Variants in ESRRG observed in about 807,000 individuals in gnomAD.
ESRRG encodes the protein estrogen-related receptor gamma.
A neutral mutation model predicts 44.0 loss-of-function variants in ESRRG; 13 were observed. The ratio of observed to expected loss-of-function variants is 0.30; its 90% CI spans 0.19 to 0.47. The LOEUF is 0.47. Among genes scored for constraint, ESRRG ranks in the 20% least tolerant of loss-of-function variants. The pLI is 1.00. For synonymous variants in ESRRG, 215 were observed against 214.6 expected (o/e 1.00, Z -0.02); for missense variants, 395 against 580.6 (o/e 0.68, Z 3.29).
At chr1:217,078,800 G>A (rs535227908) in intron 1 of ESRRG, among the ~76,000 whole-genome samples, 1 of 152,266 alleles carries the variant, frequency 6.6e-6, no homozygotes, top group South Asian at 2.1e-4. Context: ...GAAATAAACT[G>A]AGGACAAAAT....
chr1:216,521,594 C>A (rs191994672), intron 5 of ESRRG, among the ~76,000 whole-genome samples: 2 of 152,272 alleles, frequency 1.3e-5, no homozygotes, highest in South Asian at 2.1e-4. Context: ...GCCCGCAGCA[C>A]CTTCCTGTGA....
intron 1 of ESRRG, among the ~76,000 whole-genome samples, chr1:216,697,503 G>C (rs555553932): frequency 2.6e-5 from 4 of 152,328 alleles, no homozygotes; most frequent in African/African-American, 7.2e-5. Flanking sequence ...GAGATTAAGA[G>C]GTTATGCTAG....
At chr1:216,560,711 A>T (rs1396697323) in intron 5 of ESRRG, among the ~76,000 whole-genome samples, 1 of 152,208 alleles carries the variant, frequency 6.6e-6, no homozygotes, top group African/African-American at 2.4e-5. Flanking sequence ...AAAAAAGGCC[A>T]ACAATGGAGA....
At chr1:217,096,473 C>T (rs910816835) in intron 1 of ESRRG, among the ~76,000 whole-genome samples, 13 of 152,204 alleles carry the variant, frequency 8.5e-5, no homozygotes, top group Non-Finnish European at 1.5e-4. Context: ...ACTGCTTTTG[C>T]GACCCTGGGC....
chr1:216,762,065 T>A (rs921242770), intron 2 of ESRRG, among the ~76,000 whole-genome samples: 4 of 152,152 alleles, frequency 2.6e-5, no homozygotes, highest in African/African-American at 9.7e-5. Context: ...GGTGTTATAT[T>A]ATTAAATGCC....
intron 1 of ESRRG, among the ~76,000 whole-genome samples, chr1:217,005,768 A>C (rs1358244723): frequency 6.6e-6 from 1 of 151,874 alleles, no homozygotes; most frequent in East Asian, 1.9e-4. Flanking sequence ...ATAGCTTTCT[A>C]TGTCAAAATT....
intron 5 of ESRRG, among the ~76,000 whole-genome samples, chr1:216,558,314 T>C (rs749324396): frequency 6.6e-6 from 1 of 152,216 alleles, no homozygotes; most frequent in Non-Finnish European, 1.5e-5. Flanking sequence ...ATTAAACTGG[T>C]AAATTTTCAG....
At position 217,098,297 on chromosome 1, in the gene ESRRG, G is replaced by A. The variant is rs191049097; in HGVS notation, c.-230+39370C>T. Among the ~76,000 whole-genome samples the A allele has an allele frequency of 3.1e-4, 47 of 150,808 alleles. No individual in the cohort carries two copies. In the East Asian group the frequency reaches 8.9e-3, roughly 28 times the overall value. On this transcript the variant is annotated intron_variant, in intron 1 of 8. Transcript: ENST00000366940. Reference sequence around the variant, plus strand: ...TGAGTACCAAAAAGCAAGTGAAAAAGTACATCATAAAACACTCATATTTAT... The same window carrying A: ...TGAGTACCAAAAAGCAAGTGAAAAAATACATCATAAAACACTCATATTTAT...
chr1:216,717,861 C>T (rs1052285464), intron 1 of ESRRG, among the ~76,000 whole-genome samples: 2 of 151,822 alleles, frequency 1.3e-5, no homozygotes, highest in Admixed American at 6.6e-5. Context: ...TGTTTGAAAG[C>T]TATCATGCTT....
At chr1:217,110,156 C>T (rs1032564364) in intron 1 of ESRRG, among the ~76,000 whole-genome samples, 5 of 152,196 alleles carry the variant, frequency 3.3e-5, no homozygotes, top group African/African-American at 1.2e-4. Context: ...AAACATTGCT[C>T]ATCAATCACA....
chr1:216,708,508 A>G (rs775186545), intron 1 of ESRRG, among the ~76,000 whole-genome samples: 4 of 152,146 alleles, frequency 2.6e-5, no homozygotes, highest in African/African-American at 4.8e-5. Context: ...CCAAAACCAA[A>G]ACGAGATACC....
At chr1:216,602,808 A>G (rs1415725168) in intron 3 of ESRRG, among the ~76,000 whole-genome samples, 3 of 152,252 alleles carry the variant, frequency 2.0e-5, no homozygotes, top group Non-Finnish European at 4.4e-5. Flanking sequence ...TGTTCAGAAA[A>G]TAAATGCAAA....
At chr1:217,019,281 C>T (rs2079920524) in intron 1 of ESRRG, among the ~76,000 whole-genome samples, 1 of 152,162 alleles carries the variant, frequency 6.6e-6, no homozygotes. Context: ...ATTTAGCCAA[C>T]AAGAGTTTGC....
chr1:216,890,934 A>T (rs1022358438), intron 2 of ESRRG, among the ~76,000 whole-genome samples: 2 of 152,166 alleles, frequency 1.3e-5, no homozygotes, highest in African/African-American at 4.8e-5. Context: ...CCAACTCCTG[A>T]ACCTTCGAGT....
intron 5 of ESRRG, among the ~76,000 whole-genome samples, chr1:216,557,774 A>T (rs935510237): frequency 2.6e-5 from 4 of 152,234 alleles, no homozygotes; most frequent in Non-Finnish European, 5.9e-5. Context: ...TTATGCAGAC[A>T]TAGATCCATC....
At chr1:216,854,648 G>A (rs909786476) in intron 2 of ESRRG, among the ~76,000 whole-genome samples, 4 of 152,050 alleles carry the variant, frequency 2.6e-5, no homozygotes, top group South Asian at 2.1e-4. Flanking sequence ...TCTATATGGC[G>A]CCTGAGGTAA....
chr1:216,924,613 T>A (rs982100909), intron 2 of ESRRG, among the ~76,000 whole-genome samples: 1 of 152,204 alleles, frequency 6.6e-6, no homozygotes, highest in Non-Finnish European at 1.5e-5. Flanking sequence ...GTGAGCCACA[T>A]CTGATATAAA....
chr1:216,880,477 T>G (rs2096429240), intron 2 of ESRRG, among the ~76,000 whole-genome samples: 1 of 152,084 alleles, frequency 6.6e-6, no homozygotes, highest in Non-Finnish European at 1.5e-5. Context: ...GCAAAATAAC[T>G]TGATACCATC....
At chr1:217,085,852 G>A (rs2092057802) in intron 1 of ESRRG, among the ~76,000 whole-genome samples, 2 of 151,978 alleles carry the variant, frequency 1.3e-5, no homozygotes, top group African/African-American at 4.8e-5. Context: ...ATGAGAGGGT[G>A]AGAACACATA....
Sources: gnomAD v4.1 joint callset for allele counts (sites outside exome capture counted in the v4.1 genomes callset) on GRCh38, gnomAD v4.1.1 for gene constraint, MANE v1.5 for transcripts, NCBI Gene and HGNC (gene_info 2026-07-23, HGNC 2026-07-21) for gene names.